Variants in ACYP2 observed in about 807,000 individuals in gnomAD.
The protein encoded by ACYP2 is acylphosphatase-2.
Under a neutral mutation model 11.2 loss-of-function variants are expected in ACYP2, and 12 were observed. That is an observed-to-expected ratio of 1.08 (90% CI 0.69 to 1.74). The LOEUF (loss-of-function observed/expected upper bound fraction) is 1.74. Among genes scored for constraint, ACYP2 ranks in the 40% most tolerant of loss-of-function variants. The pLI, the probability that ACYP2 is intolerant of heterozygous loss-of-function variation, is 0.00. For missense variants in ACYP2, 134 were observed against 101.9 expected, an observed-to-expected ratio of 1.31 and a Z score of -1.35; for synonymous variants, 43 against 32.2, an observed-to-expected ratio of 1.33 and a Z score of -1.13.
chr2:54,041,084 T>C (rs1675196910), intron 2 of ACYP2, among the ~76,000 whole-genome samples: 1 of 145,046 alleles, frequency 6.9e-6, no homozygotes, highest in Admixed American at 6.9e-5. Context: ...TTTCTTTTCC[T>C]CTCTCTCTCT....
chr2:54,217,103 G>A (rs1685588370), intron 6 of ACYP2, among the ~76,000 whole-genome samples: 1 of 151,622 alleles, frequency 6.6e-6, no homozygotes, highest in South Asian at 2.1e-4. Flanking sequence ...TTCCTTTCTT[G>A]ACCCATTGCA....
chr2:54,052,423 A>G (rs556771891), intron 3 of ACYP2, among the ~76,000 whole-genome samples: 1 of 152,256 alleles, frequency 6.6e-6, no homozygotes, highest in African/African-American at 2.4e-5. Flanking sequence ...GTAAATTGGC[A>G]TGGAAATTTA....
intron 6 of ACYP2, among the ~76,000 whole-genome samples, chr2:54,214,396 C>T (rs530270250): frequency 6.6e-6 from 1 of 152,178 alleles, no homozygotes; most frequent in Non-Finnish European, 1.5e-5. Flanking sequence ...AGTCTTTAAT[C>T]CATCTTGTGT....
chr2:54,011,651 C>T (rs561765700), intron 2 of ACYP2, among the ~76,000 whole-genome samples: 2 of 152,080 alleles, frequency 1.3e-5, no homozygotes, highest in East Asian at 3.8e-4. Flanking sequence ...ATAAGCTTTT[C>T]TATTAGAAAC....
At chr2:54,228,432 AG>A (rs2103962032) in intron 6 of ACYP2, among the ~76,000 whole-genome samples, 1 of 152,358 alleles carries the variant, frequency 6.6e-6, no homozygotes, top group East Asian at 1.9e-4. Context: ...TTGGAGATGA[AG>A]AAATCAAGGT....
intron 6 of ACYP2, among the ~76,000 whole-genome samples, chr2:54,274,982 G>T (rs1688484729): frequency 6.6e-6 from 1 of 152,136 alleles, no homozygotes; most frequent in East Asian, 1.9e-4. Flanking sequence ...AAAATACTCA[G>T]TTCAACCTGA....
At chr2:54,216,935 T>G (rs1685582136) in intron 6 of ACYP2, among the ~76,000 whole-genome samples, 1 of 152,256 alleles carries the variant, frequency 6.6e-6, no homozygotes, top group Non-Finnish European at 1.5e-5. Flanking sequence ...TGGAAGCCCT[T>G]TCTCACTTGC....
intron 2 of ACYP2, among the ~76,000 whole-genome samples, chr2:53,995,050 A>G (rs1234663276): frequency 2.0e-5 from 3 of 152,246 alleles, no homozygotes; most frequent in Admixed American, 6.5e-5. Flanking sequence ...AAAAGAAGAC[A>G]TAAAGAATAT....
At chr2:54,092,447 G>C (rs1031622253) in intron 4 of ACYP2, among the ~76,000 whole-genome samples, 7 of 152,170 alleles carry the variant, frequency 4.6e-5, no homozygotes, top group Non-Finnish European at 8.8e-5. Flanking sequence ...GCCAACCTAT[G>C]TTATCCTATA....
chr2:54,231,951 C>G (rs1172106935), intron 6 of ACYP2, among the ~76,000 whole-genome samples: 1 of 152,172 alleles, frequency 6.6e-6, no homozygotes, highest in Non-Finnish European at 1.5e-5. Flanking sequence ...TTCTGACTTT[C>G]TACCATGACT....
chr2:53,985,621 A>C (rs1411105465), intron 2 of ACYP2, among the ~76,000 whole-genome samples: 2 of 152,208 alleles, frequency 1.3e-5, no homozygotes, highest in African/African-American at 4.8e-5. Context: ...AACTGTGTTT[A>C]TGTTTGCACA....
At chr2:54,048,753 GA>G (rs1675663855) in intron 2 of ACYP2, among the ~76,000 whole-genome samples, 2 of 152,224 alleles carry the variant, frequency 1.3e-5, no homozygotes, top group Admixed American at 1.3e-4. Flanking sequence ...TAAATGTGCA[GA>G]ATTGTTTTCA....
intron 6 of ACYP2, among the ~76,000 whole-genome samples, chr2:54,209,767 T>C (rs1476421507): frequency 2.0e-5 from 3 of 152,168 alleles, no homozygotes. Context: ...TTCACTCTAT[T>C]CCTGCCATGT....
intron 4 of ACYP2, among the ~76,000 whole-genome samples, chr2:54,097,353 A>G (rs928514154): frequency 2.0e-5 from 3 of 152,188 alleles, no homozygotes; most frequent in Admixed American, 6.5e-5. Context: ...TCATTTCCCT[A>G]AAGTGTCTAC....
intron 6 of ACYP2, among the ~76,000 whole-genome samples, chr2:54,275,255 A>C (rs1688498253): frequency 6.6e-6 from 1 of 152,196 alleles, no homozygotes; most frequent in African/African-American, 2.4e-5. Context: ...TATCATTTCT[A>C]AAGCAGCCAG....
At chr2:54,033,846 A>AT (rs1433568177) in intron 2 of ACYP2, among the ~76,000 whole-genome samples, 1 of 152,136 alleles carries the variant, frequency 6.6e-6, no homozygotes, top group Non-Finnish European at 1.5e-5. Flanking sequence ...GAACATAATG[A>AT]TTTTTTCTCC....
rs1443905799 is a variant in ACYP2, at chr2:54,267,251, T to C, written c.405-37437T>C. The C allele has an allele frequency of 1.5e-5, 23 of 1,539,500 alleles. No individual in the cohort carries two copies. In the East Asian group the frequency reaches 5.6e-4, roughly 38 times the overall value. ...ACAAAGAAGCTCCCAATAAAAACAT[T>C]ATTATGTCTGAAAGGAAATTCAGAA... On this transcript the variant is annotated intron_variant, in intron 6 of 6. Transcript: ENST00000607452.
intron 2 of ACYP2, among the ~76,000 whole-genome samples, chr2:53,999,651 C>A (rs1451761082): frequency 6.6e-6 from 1 of 152,054 alleles, no homozygotes; most frequent in Non-Finnish European, 1.5e-5. Flanking sequence ...ACAAATAGTA[C>A]CTTAATTAAA....
intron 4 of ACYP2, among the ~76,000 whole-genome samples, chr2:54,097,104 A>G (rs1678636240): frequency 6.6e-6 from 1 of 152,192 alleles, no homozygotes; most frequent in African/African-American, 2.4e-5. Context: ...AGGGTTTATA[A>G]TATCTTTCAC....
Sources: allele counts gnomAD v4.1 joint callset (sites outside exome capture counted in the v4.1 genomes callset), GRCh38; gene constraint gnomAD v4.1.1; transcripts MANE v1.5; gene names NCBI Gene and HGNC (gene_info 2026-07-23, HGNC 2026-07-21).